The following TTC3 variants were observed in gnomAD, a reference collection of about 807,000 sequenced individuals.
The protein encoded by TTC3 is tetratricopeptide repeat domain 3, also known as E3 ubiquitin-protein ligase TTC3.
TTC3 carries 180 observed loss-of-function variants against 249.6 expected under a neutral mutation model. That is an observed-to-expected ratio of 0.72 (90% CI 0.64 to 0.82). The LOEUF is 0.82. TTC3 is among the 40% of genes least tolerant of loss of function. TTC3 has a pLI of 0.00. For missense variants in TTC3, 2,061 were observed against 2,398.4 expected (o/e 0.86, Z 2.94); for synonymous variants, 717 against 805.0 (o/e 0.89, Z 1.85).
intron 27 of TTC3, among the ~76,000 whole-genome samples, chr21:37,154,612 G>T (rs1201549569): frequency 6.6e-6 from 1 of 152,182 alleles, no homozygotes; most frequent in Non-Finnish European, 1.5e-5. Context: ...TGTTCATTCA[G>T]GTAAATGCAG....
rs753419980 is a variant in TTC3 at position 37,195,823 on chromosome 21, C to T, written c.5366C>T (p.Ala1789Val). The change falls in exon 42 of 46, where the codon GCG becomes GTG. Residue 1789 changes from alanine to valine, a missense_variant. Transcript: ENST00000355666. Reference sequence around the variant, plus strand: ...GATTCCCCAGGGGAGGCTCCTTCTGCGCTGTTGCCAGGGCCACCCCCTGGT... The same window carrying T: ...GATTCCCCAGGGGAGGCTCCTTCTGTGCTGTTGCCAGGGCCACCCCCTGGT... 6.2e-6 allele frequency: 10 copies of T among 1,614,114 alleles called. No homozygotes were observed. The highest frequency in any genetic ancestry group is 4.4e-5 in the South Asian group (4 of 91,092).
intron 16 of TTC3, among the ~76,000 whole-genome samples, chr21:37,130,938 C>T (rs1426579456): frequency 6.6e-6 from 1 of 152,100 alleles, no homozygotes; most frequent in East Asian, 1.9e-4. Flanking sequence ...ATTGCTGTAT[C>T]AAAGGGGATA....
chr21:37,084,838 C>A (rs867648427), intron 1 of TTC3, among the ~76,000 whole-genome samples: 1 of 152,054 alleles, frequency 6.6e-6, no homozygotes, highest in Middle Eastern at 3.2e-3. Context: ...ACTAAAAATA[C>A]AAAAATTAGC....
chr21:37,161,894 T>A, intron 30 of TTC3, 96 bp from the exon 31 acceptor site: 1 of 750,340 alleles, frequency 1.3e-6, no homozygotes, highest in Non-Finnish European at 2.0e-6. Flanking sequence ...AATTTGTATG[T>A]GTGTTTATAT....
chr21:37,135,258 T>G, intron 17 of TTC3, 122 bp from the exon 18 acceptor site: 2 of 1,059,084 alleles, frequency 1.9e-6, no homozygotes, highest in Non-Finnish European at 1.3e-6. Flanking sequence ...ATAAGGGTAG[T>G]TTGGGTATTG....
intron 41 of TTC3, among the ~76,000 whole-genome samples, chr21:37,193,501 C>T (rs1464440277): frequency 6.6e-6 from 1 of 152,090 alleles, no homozygotes; most frequent in African/African-American, 2.4e-5. Context: ...TATCATTTAT[C>T]GTTTTTCCAA....
intron 35 of TTC3, among the ~76,000 whole-genome samples, chr21:37,175,189 G>A (rs1025788816): frequency 8.2e-5 from 12 of 146,862 alleles, no homozygotes; most frequent in South Asian, 6.5e-4. Context: ...GCATGAACCC[G>A]GGAGGCGGAG....
At chr21:37,145,180 C>T (rs926722653) in intron 21 of TTC3, among the ~76,000 whole-genome samples, 14 of 152,296 alleles carry the variant, frequency 9.2e-5, no homozygotes, top group African/African-American at 1.4e-4. Context: ...GAAAGACTTA[C>T]GTGTGAAATG....
intron 11 of TTC3, among the ~76,000 whole-genome samples, chr21:37,116,020 T>A (rs572452613): frequency 6.6e-6 from 1 of 152,320 alleles, no homozygotes; most frequent in South Asian, 2.1e-4. Context: ...TATCTACTGT[T>A]TGAGTTATAG....
exon 39 of TTC3, chr21:37,188,531 T>A: frequency 6.2e-7 from 1 of 1,614,022 alleles, no homozygotes; most frequent in Non-Finnish European, 8.5e-7. Flanking sequence ...GAGTGAAGTG[T>A]ATAAGCTACA....
At chr21:37,096,528 T>C in intron 9 of TTC3, 53 bp from the exon 10 acceptor site, 2 of 1,386,224 alleles carry the variant, frequency 1.4e-6, no homozygotes, top group South Asian at 2.5e-5. Context: ...ACGTGATTTT[T>C]ATTTGTTTCA....
intron 21 of TTC3, among the ~76,000 whole-genome samples, chr21:37,145,751 G>A (rs959364171): frequency 1.3e-5 from 2 of 152,186 alleles, no homozygotes; most frequent in African/African-American, 2.4e-5. Context: ...GTCAGAAGGC[G>A]TAGGAGAGCC....
rs755360303 is a variant in TTC3, at chr21:37,124,607, T to C, written c.1110-12T>C. 6.2e-7 allele frequency: 1 copy of C among 1,605,150 alleles called. No individual in the cohort carries two copies. Among genetic ancestry groups the C allele is most frequent in the East Asian group, 2.2e-5 (1 of 44,736 alleles). The stretch of plus-strand genomic sequence containing the variant: ...AAAAAATGTATAATAATTCCTTTTT[T>C]CCCCCACTTAGGGCCTACACACCTA... On this transcript the variant is annotated splice_polypyrimidine_tract_variant and intron_variant, in intron 13 of 45. Coordinates refer to ENST00000355666, the Ensembl canonical transcript of TTC3.
At chr21:37,133,366 CAG>C (rs1237811717) in intron 17 of TTC3, among the ~76,000 whole-genome samples, 3 of 152,196 alleles carry the variant, frequency 2.0e-5, no homozygotes, top group East Asian at 1.9e-4. Context: ...GTATACATAA[CAG>C]ATATTTTACA....
rs765137170 is a variant in TTC3 at position 37,088,206 on chromosome 21, C to T, written c.198C>T (p.Ile66=). 7 of 1,578,152 alleles carry T rather than the reference C, an allele frequency of 4.4e-6. No homozygotes were observed. In the African/African-American group the frequency reaches 9.6e-5, roughly 22 times the overall value. Reference sequence around the variant, plus strand: ...TTTTTTTTAATTAAGAATTTGACATCTGCAGTATATGGTGTAGTAAACCAA... The same window carrying T: ...TTTTTTTTAATTAAGAATTTGACATTTGCAGTATATGGTGTAGTAAACCAA... Residue 66 remains isoleucine (I), a synonymous_variant, in exon 4 of 46, where the codon ATC becomes ATT. Coordinates refer to ENST00000355666, the Ensembl canonical transcript of TTC3.
At chr21:37,100,939 C>T (rs2074428626) in intron 10 of TTC3, 1 of 152,228 alleles carries the variant, frequency 6.6e-6, no homozygotes, top group Non-Finnish European at 1.5e-5. Context: ...TCAGTCATAT[C>T]TGTACCTTCT....
intron 10 of TTC3, 49 bp downstream of exon 10, chr21:37,096,692 C>A: frequency 1.4e-6 from 2 of 1,407,560 alleles, no homozygotes; most frequent in South Asian, 1.2e-5. Context: ...GCTAAATACC[C>A]ATTTTTGGGA....
At chr21:37,090,685 A>ATGG in intron 6 of TTC3, 1 of 253,978 alleles carries the variant, frequency 3.9e-6, no homozygotes, top group Non-Finnish European at 6.2e-6. Context: ...ATCTATGTTT[A>ATGG]CCTTAAGCCC....
At chr21:37,091,122 T>C (rs1392929655) in intron 6 of TTC3, among the ~76,000 whole-genome samples, 171 bp from the exon 7 acceptor site, 3 of 152,198 alleles carry the variant, frequency 2.0e-5, no homozygotes, top group African/African-American at 7.2e-5. Flanking sequence ...TGTTAATTTA[T>C]ATGTCAGAGT....
Sources: allele counts gnomAD v4.1 joint callset (sites outside exome capture counted in the v4.1 genomes callset), GRCh38; gene constraint gnomAD v4.1.1; transcripts MANE v1.5; gene names NCBI Gene and HGNC (gene_info 2026-07-23, HGNC 2026-07-21).